The following CREG2 variants were observed in gnomAD, a reference collection of about 807,000 sequenced individuals.
CREG2 encodes the protein cellular repressor of E1A stimulated genes 2.
In CREG2, 24 loss-of-function variants were observed where a neutral mutation model predicts 26.2. The ratio of observed to expected loss-of-function variants is 0.92; its 90% CI spans 0.66 to 1.29. The LOEUF is 1.29. Among genes scored for constraint, CREG2 ranks in the 50% most tolerant of loss-of-function variants. The pLI is 0.00. For synonymous variants in CREG2, 174 were observed against 169.2 expected (o/e 1.03, Z -0.22); for missense variants, 366 against 398.6 (o/e 0.92, Z 0.70).
At chr2:101,386,899 C>T (rs761171441) in intron 1 of CREG2, 118 bp downstream of exon 1, 2 of 1,061,056 alleles carry the variant, frequency 1.9e-6, no homozygotes, top group Non-Finnish European at 2.4e-6. Context: ...TCCAGGGCAC[C>T]GGGCACGTCT....
intron 2 of CREG2, among the ~76,000 whole-genome samples, chr2:101,355,773 G>T (rs1251305989): frequency 6.6e-6 from 1 of 152,230 alleles, no homozygotes; most frequent in Non-Finnish European, 1.5e-5. Context: ...AGGTGAGCAG[G>T]TTCAGGAGCT....
intron 2 of CREG2, among the ~76,000 whole-genome samples, chr2:101,356,262 A>G (rs529602092): frequency 1.2e-4 from 18 of 152,198 alleles, no homozygotes; most frequent in African/African-American, 4.3e-4. Context: ...TGGGCCCAGG[A>G]TGTGGGGGCA....
intron 2 of CREG2, among the ~76,000 whole-genome samples, chr2:101,370,458 G>T (rs918552137): frequency 6.6e-6 from 1 of 152,076 alleles, no homozygotes; most frequent in Admixed American, 6.5e-5. Context: ...CCCATTTTAG[G>T]GTGAAGGAGA....
chr2:101,382,807 C>G (rs1182709757), intron 2 of CREG2: 1 of 985,282 alleles, frequency 1.0e-6, no homozygotes, highest in East Asian at 1.1e-4. Context: ...GGTGGAGTGA[C>G]TAAGGTCCTG....
chr2:101,384,396 T>C (rs992764587), intron 1 of CREG2, among the ~76,000 whole-genome samples: 3 of 152,142 alleles, frequency 2.0e-5, no homozygotes, highest in African/African-American at 7.2e-5. Flanking sequence ...GGTGGTGCCA[T>C]AGTTTGGATA....
intron 1 of CREG2, 108 bp from the exon 2 acceptor site, chr2:101,383,810 G>T: frequency 1.9e-6 from 2 of 1,041,596 alleles, no homozygotes; most frequent in Non-Finnish European, 1.4e-6. Flanking sequence ...GGATGAGGGG[G>T]GATCATGGCA....
intron 2 of CREG2, among the ~76,000 whole-genome samples, chr2:101,370,066 G>A (rs1234144430): frequency 2.0e-5 from 3 of 152,176 alleles, no homozygotes; most frequent in Admixed American, 6.5e-5. Context: ...TTGCCTAGGA[G>A]TGAATCCCAG....
chr2:101,355,999 C>T (rs182148853), intron 2 of CREG2, among the ~76,000 whole-genome samples: 50 of 152,206 alleles, frequency 3.3e-4, no homozygotes, highest in African/African-American at 1.2e-3. Flanking sequence ...TCAGGTCATA[C>T]AGACTTAAAG....
rs1397736048 is a variant in CREG2 at position 101,346,229 on chromosome 2, T to C, written c.*4694A>G. ...AATAAGTAACATCAGAATTATACTC[T>C]ATGTCAAAATCATGGATATATATAG... is the stretch of plus-strand genomic sequence containing the variant. On this transcript the variant is annotated 3_prime_UTR_variant, in exon 4 of 4. Transcript: ENST00000324768. 1.3e-5 allele frequency: 2 copies of C among 152,172 alleles called. No homozygotes were observed. The highest frequency in any genetic ancestry group is 3.8e-4 in the East Asian group (2 of 5,206). 9.4% of individuals were successfully genotyped at this position (152,172 alleles called of 1,614,324 possible).
chr2:101,386,112 T>A (rs1053759075), intron 1 of CREG2, among the ~76,000 whole-genome samples: 1 of 152,210 alleles, frequency 6.6e-6, no homozygotes, highest in African/African-American at 2.4e-5. Context: ...GCCATTTAGG[T>A]AGTTTTTAAG....
In CREG2 at chr2:101,383,601, C is replaced by CACGG. The variant is rs1684915926; in HGVS notation, c.539_542dup (p.Val182ArgfsTer4). 6.2e-7 allele frequency: 1 copy of CACGG among 1,614,182 alleles called. No individual in the cohort carries two copies. Among genetic ancestry groups the CACGG allele is most frequent in the East Asian group, 2.2e-5 (1 of 44,892 alleles). ...TGGGGTTCTTCATCAGATCAGCCACCACGGGGTCCTTGGCTGTCATGTAGA... is the reference window on the plus strand; with the variant it reads ...TGGGGTTCTTCATCAGATCAGCCACCACGGACGGGGTCCTTGGCTGTCATGTAGA... On this transcript the variant is annotated frameshift_variant, in exon 2 of 4. Coordinates refer to ENST00000324768, the MANE Select transcript of CREG2 (RefSeq NM_153836.4). LOFTEE classifies it high-confidence loss of function.
At chr2:101,378,053 C>T (rs1180133005) in intron 2 of CREG2, among the ~76,000 whole-genome samples, 3 of 152,164 alleles carry the variant, frequency 2.0e-5, no homozygotes, top group Non-Finnish European at 4.4e-5. Flanking sequence ...CCATGCTGTA[C>T]GTTAGATCCC....
chr2:101,375,755 C>A, intron 2 of CREG2: 1 of 158,110 alleles, frequency 6.3e-6, no homozygotes, highest in South Asian at 1.8e-4. Flanking sequence ...ATTCTGGCTC[C>A]AAGGCTGTGT....
At chr2:101,363,631 T>C (rs1368416862) in intron 2 of CREG2, among the ~76,000 whole-genome samples, 1 of 152,218 alleles carries the variant, frequency 6.6e-6, no homozygotes. Context: ...TATACCTATA[T>C]ATAAACATAC....
intron 1 of CREG2, among the ~76,000 whole-genome samples, chr2:101,384,338 C>T (rs1324581812): frequency 6.6e-6 from 1 of 152,142 alleles, no homozygotes; most frequent in Non-Finnish European, 1.5e-5. Flanking sequence ...GTCATAGAAA[C>T]ATGATATGCC....
At chr2:101,383,392 A>G (rs1684909431) in intron 2 of CREG2, 141 bp downstream of exon 2, 2 of 780,024 alleles carry the variant, frequency 2.6e-6, no homozygotes, top group South Asian at 3.7e-5. Context: ...GTGGAATTCT[A>G]ATTTATCTGA....
chr2:101,381,960 T>G (rs1684881360), intron 2 of CREG2: 1 of 152,442 alleles, frequency 6.6e-6, no homozygotes, highest in Admixed American at 6.5e-5. Context: ...TCACTGCTCC[T>G]CGCTCCAGCT....
At chr2:101,371,320 C>G (rs561138709) in intron 2 of CREG2, among the ~76,000 whole-genome samples, 2 of 152,128 alleles carry the variant, frequency 1.3e-5, no homozygotes, top group African/African-American at 4.8e-5. Context: ...CTATTCATCT[C>G]GTTAGAGATG....
chr2:101,376,361 T>C (rs1292470172), intron 2 of CREG2, among the ~76,000 whole-genome samples: 1 of 151,872 alleles, frequency 6.6e-6, no homozygotes, highest in African/African-American at 2.4e-5. Flanking sequence ...CACTGCAACA[T>C]CCACCTCCCG....
Sources: allele counts gnomAD v4.1 joint callset (sites outside exome capture counted in the v4.1 genomes callset), GRCh38; gene constraint gnomAD v4.1.1; transcripts MANE v1.5; gene names NCBI Gene and HGNC (gene_info 2026-07-23, HGNC 2026-07-21).